WDR20: variants seen among roughly 807,000 people sequenced by gnomAD.
The protein encoded by WDR20 is WD repeat domain 20.
In WDR20, 3 loss-of-function variants were observed where a neutral mutation model predicts 38.7. That is an observed-to-expected ratio of 0.08 (90% CI 0.04 to 0.20). The LOEUF (loss-of-function observed/expected upper bound fraction) is 0.20. Ranked by LOEUF, WDR20 falls within the 10% of genes least tolerant of loss-of-function variation. The pLI, the probability that WDR20 is intolerant of heterozygous loss-of-function variation, is 1.00. For missense variants in WDR20, 559 were observed against 727.7 expected, an observed-to-expected ratio of 0.77 and a Z score of 2.67; for synonymous variants, 298 against 285.6, an observed-to-expected ratio of 1.04 and a Z score of -0.44.
chr14:102,194,888 C>G (rs1345414170), intron 1 of WDR20, 50 bp from the exon 2 acceptor site: 2 of 1,549,984 alleles, frequency 1.3e-6, no homozygotes, highest in Non-Finnish European at 1.8e-6. Flanking sequence ...ACTTAGATTT[C>G]TCATCTCAAT....
intron 1 of WDR20, among the ~76,000 whole-genome samples, chr14:102,186,745 A>G (rs866719722): frequency 3.3e-5 from 5 of 151,924 alleles, no homozygotes; most frequent in African/African-American, 4.8e-5. Context: ...AGGTCAGGAG[A>G]TGGAGACCAC....
downstream of WDR20, chr14:102,214,686 A>G (rs2062995211): frequency 1.0e-6 from 1 of 983,140 alleles, no homozygotes. Flanking sequence ...AATCAAAAGT[A>G]AAATTCACAT....
chr14:102,196,167 A>G (rs573083457), intron 2 of WDR20, among the ~76,000 whole-genome samples: 2 of 152,240 alleles, frequency 1.3e-5, no homozygotes, highest in Non-Finnish European at 2.9e-5. Context: ...GCAAATCAGT[A>G]TCCACCCAGG....
chr14:102,148,601 A>G (rs1181310429), intron 1 of WDR20, among the ~76,000 whole-genome samples: 1 of 151,802 alleles, frequency 6.6e-6, no homozygotes, highest in Non-Finnish European at 1.5e-5. Context: ...TGGTATATAC[A>G]AGGCACTGCT....
rs912133198 is a variant in WDR20, at chr14:102,149,768, A to G, written c.249+9596A>G. ...GAGTGCAGTGGCTCGATCTCAGCAC[A>G]CTGCAACCTCTGCCTCCTGGGTTCA... On this transcript the variant is annotated intron_variant, in intron 1 of 2. Coordinates refer to ENST00000342702, the MANE Select transcript of WDR20 (RefSeq NM_144574.4). 1.3e-5 allele frequency among the ~76,000 whole-genome samples: 2 copies of G among 152,182 alleles called. 1 individual carries two copies. The highest frequency in any genetic ancestry group is 1.3e-4 in the Admixed American group (2 of 15,274).
chr14:102,144,481 CAAAA>C (rs760450854), intron 1 of WDR20, among the ~76,000 whole-genome samples: 2 of 73,366 alleles, frequency 2.7e-5, no homozygotes, highest in African/African-American at 4.6e-5. Flanking sequence ...GACTCTGTCT[CAAAA>C]AAAAAAAAAA....
intron 1 of WDR20, among the ~76,000 whole-genome samples, chr14:102,174,430 TA>T (rs2061632297): frequency 1.3e-5 from 2 of 152,172 alleles, no homozygotes; most frequent in Non-Finnish European, 2.9e-5. Context: ...TTATTATTAT[TA>T]TTTTTTGAGA....
intron 1 of WDR20, among the ~76,000 whole-genome samples, chr14:102,172,527 G>A (rs1385502607): frequency 6.7e-6 from 1 of 148,830 alleles, no homozygotes; most frequent in Non-Finnish European, 1.5e-5. Context: ...GCGGCTGGCC[G>A]GGCGGGGGGC....
chr14:102,222,311 G>C lies in WDR20; in HGVS notation c.1693-519G>C, dbSNP rs1180144073. Among the ~76,000 whole-genome samples, 2 of 152,224 alleles carry C rather than the reference G, an allele frequency of 1.3e-5. No homozygotes were observed. The highest frequency in any genetic ancestry group is 2.9e-5 in the Non-Finnish European group (2 of 68,038). ...CTACACATGTGGACAGCTACAGCCA[G>C]GGGGTGCCACGGTCACACCACCCAA... is the stretch of plus-strand genomic sequence containing the variant. On this transcript the variant is annotated intron_variant, in intron 3 of 3. Transcript: ENST00000335263. The surrounding 1 kb of genome is among the most constrained non-coding windows in gnomAD (Gnocchi z 4.4).
chr14:102,159,758 G>A (rs1408633875), intron 1 of WDR20, among the ~76,000 whole-genome samples: 1 of 151,890 alleles, frequency 6.6e-6, no homozygotes, highest in East Asian at 1.9e-4. Flanking sequence ...CATTTGAGCT[G>A]GGGAGACAGA....
Position 102,222,743 on chromosome 14 carries a change from C to T in WDR20, c.1693-87C>T, listed in dbSNP as rs1567111293. 1 of 1,447,054 alleles carries T rather than the reference C, an allele frequency of 6.9e-7. No homozygotes were observed. Among genetic ancestry groups the T allele is most frequent in the Non-Finnish European group, 9.7e-7 (1 of 1,030,936 alleles). 89.6% of individuals were successfully genotyped at this position (1,447,054 alleles called of 1,614,324 possible). ...CCACATCAACAGCACCAGTTTTGAC[C>T]ACGTGGAGCTGCTGGCGGAGGGCGC... On this transcript the variant is annotated intron_variant, in intron 3 of 3. Transcript: ENST00000335263. This position sits in a 1 kb window ranked among gnomAD's most constrained non-coding sequence, Gnocchi z 4.4.
Position 102,192,181 on chromosome 14 carries a change from AT to A in WDR20, c.250-2741del, listed in dbSNP as rs761284711. ...GGATATTTTTAGAATATTTACCTGA[AT>A]TTTTTTTTTTTTTTTGAGACAGAGT... is the stretch of plus-strand genomic sequence containing the variant. On this transcript the variant is annotated intron_variant, in intron 1 of 2. Transcript: ENST00000342702. Among the ~76,000 whole-genome samples the A allele has an allele frequency of 7.2e-3, 1,026 of 143,050 alleles. 9 individuals are homozygous for A. Among genetic ancestry groups the A allele is most frequent in the African/African-American group, 0.018 (688 of 39,236 alleles). 93.8% of individuals were successfully genotyped at this position (143,050 alleles called of 152,430 possible).
At chr14:102,139,435 G>T (rs2152631884), upstream of WDR20, 5 of 1,514,630 alleles carry the variant, frequency 3.3e-6, no homozygotes, top group East Asian at 1.2e-4. Context: ...CCCGCGTGCT[G>T]GCTCCGAAGC....
chr14:102,192,559 G>C (rs1353047747), intron 1 of WDR20, among the ~76,000 whole-genome samples: 1 of 152,122 alleles, frequency 6.6e-6, no homozygotes, highest in African/African-American at 2.4e-5. Flanking sequence ...GTTCCATATT[G>C]GGAGGCAGGG....
At chr14:102,143,928 G>A (rs1414030021) in intron 1 of WDR20, among the ~76,000 whole-genome samples, 1 of 151,756 alleles carries the variant, frequency 6.6e-6, no homozygotes, top group Non-Finnish European at 1.5e-5. Flanking sequence ...TGTAATCCCA[G>A]CACTTTGGGA....
chr14:102,172,536 G>C lies in WDR20; in HGVS notation c.250-22402G>C, dbSNP rs7492452. ...GACGGGGCGGCTGGCCGGGCGGGGG[G>C]CTGACCCCCCACCTCCCTCCCGGAC... On this transcript the variant is annotated intron_variant, in intron 1 of 2. Coordinates refer to ENST00000342702, the MANE Select transcript of WDR20 (RefSeq NM_144574.4). Among the ~76,000 whole-genome samples, 528 of 147,364 alleles carry C rather than the reference G, an allele frequency of 3.6e-3. 7 individuals are homozygous for C. The East Asian group carries it at 0.043, about 12-fold the overall frequency.
Position 102,207,323 on chromosome 14 carries a change from T to C in WDR20, c.433-1280T>C, listed in dbSNP as rs1596979972. On this transcript the variant is annotated intron_variant, in intron 2 of 2. Coordinates refer to ENST00000342702, the MANE Select transcript of WDR20 (RefSeq NM_144574.4). This position sits in a 1 kb window ranked among gnomAD's most constrained non-coding sequence, Gnocchi z 5.0. Reference sequence around the variant, plus strand: ...AGCTTGCATGGCTCATTAATTTCTTTCCCAGCCGTTCTTTTAAAAATCAAG... The same window carrying C: ...AGCTTGCATGGCTCATTAATTTCTTCCCCAGCCGTTCTTTTAAAAATCAAG... Among the ~76,000 whole-genome samples the C allele has an allele frequency of 6.6e-6, 1 of 152,344 alleles. No individual in the cohort carries two copies. Among genetic ancestry groups the C allele is most frequent in the Admixed American group, 6.5e-5 (1 of 15,302 alleles).
In WDR20 at chr14:102,209,419, A is replaced by G. The variant is rs766243689; in HGVS notation, c.1249A>G (p.Ser417Gly). 8.7e-6 allele frequency: 14 copies of G among 1,614,096 alleles called. No individual in the cohort carries two copies. In the South Asian group the frequency reaches 1.3e-4, roughly 15 times the overall value. ...TSPPAGSNGN[S>G]VTTPGNSVPP... ...TCCTCCTGCTGGAAGCAATGGGAAC[A>G]GTGTTACAACACCCGGGAACTCTGT... The change falls in exon 3 of 3, where the codon AGT (serine) becomes GGT (glycine). Residue 417 changes from serine to glycine, a missense_variant. Coordinates refer to ENST00000342702, the MANE Select transcript of WDR20 (RefSeq NM_144574.4). The surrounding 1 kb of genome is among the most constrained non-coding windows in gnomAD (Gnocchi z 6.0).
chr14:102,209,744 C>T lies in WDR20; in HGVS notation c.1574C>T (p.Pro525Leu), dbSNP rs1195950509. The change falls in exon 3 of 3, where the codon CCG becomes CTG. Residue 525 changes from proline (P) to leucine (L), a missense_variant. By Grantham distance (98) the Pro-to-Leu change is moderately conservative (BLOSUM62 -3). Transcript: ENST00000342702. This position sits in a 1 kb window ranked among gnomAD's most constrained non-coding sequence, Gnocchi z 6.0. ...PRMEDVPLLEPLICKKIAHER... is the reference protein window; with the variant it reads ...PRMEDVPLLELLICKKIAHER... ...ATGGAAGATGTTCCCTTGTTAGAGC[C>T]GCTGATATGTAAAAAGATAGCACAT... is the stretch of plus-strand genomic sequence containing the variant. 3 of 1,613,934 alleles carry T rather than the reference C, an allele frequency of 1.9e-6. No homozygotes were observed. Among genetic ancestry groups the T allele is most frequent in the Non-Finnish European group, 2.5e-6 (3 of 1,180,042 alleles).
Sources: gnomAD v4.1 joint callset for allele counts (sites outside exome capture counted in the v4.1 genomes callset) on GRCh38, gnomAD v4.1.1 for gene constraint, Gnocchi (gnomAD v3.1) non-coding constraint, MANE v1.5 for transcripts, NCBI Gene and HGNC (gene_info 2026-07-23, HGNC 2026-07-21) for gene names.